Variants in CHRDL1 observed in about 807,000 individuals in gnomAD.
CHRDL1 encodes the protein chordin like 1, also known as chordin-like protein 1.
A neutral mutation model predicts 40.9 loss-of-function variants in CHRDL1; 19 were observed. The ratio of observed to expected loss-of-function variants is 0.46; its 90% CI spans 0.32 to 0.68. CHRDL1 has a LOEUF of 0.68. CHRDL1 is among the 30% of genes least tolerant of loss of function. CHRDL1 has a pLI of 0.03. For synonymous variants in CHRDL1, 136 were observed against 123.4 expected (o/e 1.10, Z -0.68); for missense variants, 329 against 352.1 (o/e 0.93, Z 0.53).
At chrX:110,784,311 T>G (rs1434719357) in intron 2 of CHRDL1, among the ~76,000 whole-genome samples, 1 of 112,343 alleles carries the variant, frequency 8.9e-6, no homozygotes, top group Non-Finnish European at 1.9e-5. Context: ...AAGAAAGTCA[T>G]GAAGAAGCAA....
At chrX:110,676,759 CTACTG>C (rs1000557439) in intron 11 of CHRDL1, among the ~76,000 whole-genome samples, 3 of 111,275 alleles carry the variant, frequency 2.7e-5, no homozygotes, top group African/African-American at 9.8e-5. Context: ...AAAACGGCAC[CTACTG>C]TATTACTGGG....
chrX:110,752,459 T>A (rs1280148650), intron 4 of CHRDL1, among the ~76,000 whole-genome samples: 1 of 111,673 alleles, frequency 9.0e-6, no homozygotes, highest in Non-Finnish European at 1.9e-5. Context: ...AAATAAGGCA[T>A]GGAAGATGGT....
At chrX:110,789,867 T>C (rs2090072145) in intron 2 of CHRDL1, among the ~76,000 whole-genome samples, 1 of 111,874 alleles carries the variant, frequency 8.9e-6, no homozygotes, top group Admixed American at 9.5e-5. Flanking sequence ...ATATATTAAT[T>C]TTATAATTTA....
intron 11 of CHRDL1, among the ~76,000 whole-genome samples, chrX:110,678,440 C>T (rs1243864612): frequency 9.0e-6 from 1 of 110,951 alleles, no homozygotes; most frequent in Admixed American, 9.6e-5. Context: ...CCTTTGTGAT[C>T]ATTCCTCTCC....
At chrX:110,774,047 T>C (rs896977955) in intron 2 of CHRDL1, among the ~76,000 whole-genome samples, 1 of 111,958 alleles carries the variant, frequency 8.9e-6, no homozygotes, top group Non-Finnish European at 1.9e-5. Context: ...CATATTTTGA[T>C]GCTTTGTTAA....
intron 2 of CHRDL1, among the ~76,000 whole-genome samples, chrX:110,775,231 C>G (rs2089833374): frequency 9.0e-6 from 1 of 111,444 alleles, no homozygotes; most frequent in Non-Finnish European, 1.9e-5. Context: ...ATGTCAGTAG[C>G]TGGTAGGTTT....
chrX:110,682,452 C>T (rs1415354655), intron 9 of CHRDL1, among the ~76,000 whole-genome samples: 1 of 112,182 alleles, frequency 8.9e-6, no homozygotes, highest in Admixed American at 9.4e-5. Flanking sequence ...TTCCTCAGTC[C>T]CCTGTTTTAA....
intron 4 of CHRDL1, among the ~76,000 whole-genome samples, chrX:110,756,855 T>A (rs2089462885): frequency 8.9e-6 from 1 of 111,751 alleles, no homozygotes; most frequent in Non-Finnish European, 1.9e-5. Flanking sequence ...TTGAACAATC[T>A]GAAATGGACT....
At chrX:110,766,154 A>G (rs1262717751) in intron 2 of CHRDL1, among the ~76,000 whole-genome samples, 2 of 111,852 alleles carry the variant, frequency 1.8e-5, no homozygotes, top group African/African-American at 3.2e-5. Context: ...ACTGAATGAT[A>G]ATAATGACAG....
In CHRDL1 at chrX:110,772,589, A is replaced by C. The variant is rs1195574138; in HGVS notation, c.95-9782T>G. ...GAGAGGCGGAGGTTGCAGTGAGCCAAGATTGTGCCACTGCACTCCAGCCTG... is the reference window on the plus strand; with the variant it reads ...GAGAGGCGGAGGTTGCAGTGAGCCACGATTGTGCCACTGCACTCCAGCCTG... On this transcript the variant is annotated intron_variant, in intron 2 of 11. Transcript: ENST00000372042. Among the ~76,000 whole-genome samples the C allele has an allele frequency of 2.7e-5, 3 of 112,439 alleles. No individual in the cohort carries two copies. In the Admixed American group the frequency reaches 2.8e-4, roughly 11 times the overall value.
intron 4 of CHRDL1, among the ~76,000 whole-genome samples, chrX:110,724,835 G>A (rs1400470721): frequency 9.0e-6 from 1 of 110,595 alleles, no homozygotes; most frequent in African/African-American, 3.3e-5. Flanking sequence ...ATCTTTAGAG[G>A]GCCAACACAG....
chrX:110,734,200 T>G (rs2071222496), intron 4 of CHRDL1, among the ~76,000 whole-genome samples: 1 of 111,433 alleles, frequency 9.0e-6, no homozygotes, highest in Non-Finnish European at 1.9e-5. Context: ...CAGGATTTCA[T>G]GACCCAAAAG....
intron 4 of CHRDL1, among the ~76,000 whole-genome samples, chrX:110,724,550 T>TG (rs1292126535): frequency 9.3e-6 from 1 of 108,062 alleles, no homozygotes; most frequent in Non-Finnish European, 1.9e-5. Context: ...ATCTCGGGGG[T>TG]GGGGGGCGAA....
intron 4 of CHRDL1, among the ~76,000 whole-genome samples, chrX:110,746,796 G>C (rs921005634): frequency 4.5e-5 from 5 of 111,212 alleles, no homozygotes; most frequent in African/African-American, 1.6e-4. Context: ...TGGGGACCCA[G>C]GATTTAAATA....
At chrX:110,722,709 T>C (rs1042410891) in intron 4 of CHRDL1, among the ~76,000 whole-genome samples, 1 of 111,482 alleles carries the variant, frequency 9.0e-6, no homozygotes, top group African/African-American at 3.3e-5. Context: ...TGAGGTTATG[T>C]GAATTATTTG....
chrX:110,676,106 C>T lies in CHRDL1; in HGVS notation c.*125G>A, dbSNP rs754271692. 6 of 666,670 alleles carry T rather than the reference C, an allele frequency of 9.0e-6. No homozygotes were observed. The highest frequency in any genetic ancestry group is 6.1e-5 in the Admixed American group (2 of 32,783). The allele number at this position is 666,670 out of a possible 1,213,427, so 54.9% of individuals were successfully genotyped here. On this transcript the variant is annotated 3_prime_UTR_variant, in exon 12 of 12. Transcript: ENST00000372042. Reference sequence around the variant, plus strand: ...AAGGAGCAAATTATGCTGTGCATGGCGTGAATAATTGACTGCATTTGAGTT... The same window carrying T: ...AAGGAGCAAATTATGCTGTGCATGGTGTGAATAATTGACTGCATTTGAGTT...
chrX:110,700,596 G>A lies in CHRDL1; in HGVS notation c.609+58C>T. On this transcript the variant is annotated intron_variant, in intron 7 of 11. Transcript: ENST00000372042. ...TTTGCTAGAATAGTAGCCACGAGGAGAGGAAAGCTTGGCCTGATGCTGTGG... is the reference window on the plus strand; with the variant it reads ...TTTGCTAGAATAGTAGCCACGAGGAAAGGAAAGCTTGGCCTGATGCTGTGG... 5.1e-6 allele frequency: 4 copies of A among 787,283 alleles called. No individual in the cohort carries two copies. The Middle Eastern group carries it at 8.5e-4, about 167-fold the overall frequency. 64.9% of individuals were successfully genotyped at this position (787,283 alleles called of 1,213,427 possible). A position where few individuals can be genotyped will look rare whatever the true frequency, so the allele number is the denominator to read the frequency against.
rs1055417605 is a variant in CHRDL1 at position 110,750,147 on chromosome X, C to A, written c.301+9514G>T. On this transcript the variant is annotated intron_variant, in intron 4 of 11. Transcript: ENST00000372042. Reference sequence around the variant, plus strand: ...CCCCCGCAACACCTGTCTCCTCTTTCTACAATCAAAATCTGCTTTCTAAAT... The same window carrying A: ...CCCCCGCAACACCTGTCTCCTCTTTATACAATCAAAATCTGCTTTCTAAAT... Among the ~76,000 whole-genome samples, 3 of 111,976 alleles carry A rather than the reference C, an allele frequency of 2.7e-5. No individual in the cohort carries two copies. In the East Asian group the frequency reaches 8.4e-4, roughly 31 times the overall value.
At chrX:110,786,039 A>G (rs748296153) in intron 2 of CHRDL1, among the ~76,000 whole-genome samples, 2 of 112,190 alleles carry the variant, frequency 1.8e-5, no homozygotes, top group East Asian at 5.6e-4. Flanking sequence ...TCTTTTTTCT[A>G]TGAAACCAAG....
Sources: allele counts gnomAD v4.1 joint callset (sites outside exome capture counted in the v4.1 genomes callset), GRCh38; gene constraint gnomAD v4.1.1; transcripts MANE v1.5; gene names NCBI Gene and HGNC (gene_info 2026-07-23, HGNC 2026-07-21).